MCTP1: variants seen among roughly 807,000 people sequenced by gnomAD.
MCTP1 encodes the protein multiple C2 and transmembrane domain-containing protein 1.
MCTP1 carries 69 observed loss-of-function variants against 120.6 expected under a neutral mutation model. The ratio of observed to expected loss-of-function variants is 0.57; its 90% CI spans 0.47 to 0.70. The LOEUF is 0.70. Ranked by LOEUF, MCTP1 falls within the 30% of genes least tolerant of loss-of-function variation. MCTP1 has a pLI of 0.00. For missense variants in MCTP1, 1,203 were observed against 1,248.8 expected (o/e 0.96, Z 0.55); for synonymous variants, 529 against 493.1 (o/e 1.07, Z -0.96).
intron 18 of MCTP1, 82 bp downstream of exon 18, chr5:94,798,931 A>G: frequency 6.8e-7 from 1 of 1,465,332 alleles, no homozygotes; most frequent in Non-Finnish European, 9.2e-7. Flanking sequence ...CCTGGTTTGT[A>G]AAGCCAAATT....
chr5:95,216,430 T>C (rs1057166748), intron 1 of MCTP1, among the ~76,000 whole-genome samples: 2 of 152,208 alleles, frequency 1.3e-5, no homozygotes, highest in Non-Finnish European at 2.9e-5. Context: ...CTGTAGGTTG[T>C]CCATTTTCCA....
intron 1 of MCTP1, among the ~76,000 whole-genome samples, chr5:95,076,469 A>G (rs74668159): frequency 7.2e-6 from 1 of 139,810 alleles, no homozygotes; most frequent in African/African-American, 2.6e-5. Context: ...AAAAAAAAAA[A>G]GGAATCCCTA....
intron 1 of MCTP1, among the ~76,000 whole-genome samples, chr5:95,162,778 C>A (rs1745889693): frequency 6.6e-6 from 1 of 152,184 alleles, no homozygotes; most frequent in Non-Finnish European, 1.5e-5. Flanking sequence ...CACCATTAAT[C>A]TGTCAACCAT....
At chr5:94,715,846 A>G (rs781136275) in intron 19 of MCTP1, among the ~76,000 whole-genome samples, 10 of 152,194 alleles carry the variant, frequency 6.6e-5, no homozygotes, top group Non-Finnish European at 8.8e-5. Context: ...ATGTAGATCC[A>G]ATTTCATTAC....
chr5:95,145,186 G>A (rs1276588120), intron 1 of MCTP1, among the ~76,000 whole-genome samples: 2 of 152,006 alleles, frequency 1.3e-5, no homozygotes, highest in Non-Finnish European at 2.9e-5. Context: ...TTCTTGATTT[G>A]GCTCAGAGCT....
Position 94,704,921 on chromosome 5 carries a change from C to T in MCTP1, c.*2575G>A, listed in dbSNP as rs1357111441. 1.3e-5 allele frequency: 2 copies of T among 151,100 alleles called. No individual in the cohort carries two copies. The highest frequency in any genetic ancestry group is 3.0e-5 in the Non-Finnish European group (2 of 67,506). 9.4% of individuals were successfully genotyped at this position (151,100 alleles called of 1,614,324 possible). On this transcript the variant is annotated 3_prime_UTR_variant, in exon 23 of 23. Coordinates refer to ENST00000515393, the MANE Select transcript of MCTP1 (RefSeq NM_024717.7). ...ACAGTACCAGAATGAATGAGAAGTA[C>T]TATTATGTTCTTTTTGATAAGTGGG...
intron 1 of MCTP1, among the ~76,000 whole-genome samples, chr5:95,276,789 A>G: frequency 6.6e-6 from 1 of 151,510 alleles, no homozygotes; most frequent in Non-Finnish European, 1.5e-5. Flanking sequence ...CGTCTCCACT[A>G]ATAACACAAA....
chr5:95,024,229 C>T (rs1838762363), intron 1 of MCTP1: 4 of 279,288 alleles, frequency 1.4e-5, no homozygotes, highest in South Asian at 1.2e-4. Context: ...TTTACAATTT[C>T]AGGTCTTATG....
At chr5:95,172,788 A>G (rs1190278922) in intron 1 of MCTP1, among the ~76,000 whole-genome samples, 1 of 152,188 alleles carries the variant, frequency 6.6e-6, no homozygotes, top group African/African-American at 2.4e-5. Context: ...CTTACTTTAA[A>G]GCCAATTACC....
At chr5:94,898,870 T>G (rs1804768757) in intron 10 of MCTP1, among the ~76,000 whole-genome samples, 1 of 152,234 alleles carries the variant, frequency 6.6e-6, no homozygotes, top group African/African-American at 2.4e-5. Flanking sequence ...GATTTCAGTT[T>G]TCTCATCTGC....
intron 1 of MCTP1, chr5:95,081,793 A>G: frequency 9.2e-7 from 1 of 1,088,356 alleles, no homozygotes; most frequent in Non-Finnish European, 1.1e-6. Context: ...GGGTTCTAAA[A>G]TACTCACATT....
At chr5:94,844,498 C>A (rs1791877917) in intron 17 of MCTP1, among the ~76,000 whole-genome samples, 1 of 151,920 alleles carries the variant, frequency 6.6e-6, no homozygotes, top group Non-Finnish European at 1.5e-5. Context: ...TATTAATTTA[C>A]TTCTACAGCT....
intron 3 of MCTP1, among the ~76,000 whole-genome samples, chr5:94,946,427 A>G (rs966717883): frequency 6.6e-6 from 1 of 152,212 alleles, no homozygotes; most frequent in Non-Finnish European, 1.5e-5. Flanking sequence ...TGGTGAAGTC[A>G]GTGTCCATGG....
intron 7 of MCTP1, among the ~76,000 whole-genome samples, chr5:94,922,497 T>G (rs574902544): frequency 0.013 from 1,840 of 146,098 alleles, 35 homozygotes; most frequent in African/African-American, 0.045. Context: ...TTCCCCCCCT[T>G]TTTTTTTTGA....
chr5:94,843,545 T>C (rs1440312277), intron 17 of MCTP1, among the ~76,000 whole-genome samples: 1 of 152,164 alleles, frequency 6.6e-6, no homozygotes, highest in African/African-American at 2.4e-5. Context: ...GGTTAGATAA[T>C]AGGCTTTCCC....
At chr5:95,175,146 T>C (rs1747814495) in intron 1 of MCTP1, among the ~76,000 whole-genome samples, 1 of 152,206 alleles carries the variant, frequency 6.6e-6, no homozygotes, top group African/African-American at 2.4e-5. Flanking sequence ...AATCAATTTT[T>C]TGAGTTAAAA....
chr5:95,213,887 G>C (rs898906492), intron 1 of MCTP1, among the ~76,000 whole-genome samples: 1 of 152,206 alleles, frequency 6.6e-6, no homozygotes, highest in African/African-American at 2.4e-5. Context: ...AGACTTAAAC[G>C]TTAGACCTAA....
chr5:94,934,674 T>C (rs1486590947), intron 5 of MCTP1, among the ~76,000 whole-genome samples: 1 of 151,690 alleles, frequency 6.6e-6, no homozygotes, highest in Non-Finnish European at 1.5e-5. Flanking sequence ...TAGGTAGATA[T>C]TTCTTCAAAT....
At chr5:94,967,485 C>G (rs1825894621) in intron 2 of MCTP1, among the ~76,000 whole-genome samples, 1 of 152,202 alleles carries the variant, frequency 6.6e-6, no homozygotes, top group Non-Finnish European at 1.5e-5. Context: ...AACTGCTACA[C>G]TAGGCTGTCT....
Sources: allele counts gnomAD v4.1 joint callset (sites outside exome capture counted in the v4.1 genomes callset), GRCh38; gene constraint gnomAD v4.1.1; transcripts MANE v1.5; gene names NCBI Gene and HGNC (gene_info 2026-07-23, HGNC 2026-07-21).